The following RNF207 variants were observed in gnomAD, a reference collection of about 807,000 sequenced individuals.
RNF207 encodes OTTHUMG00000001089.
Under a neutral mutation model 79.0 loss-of-function variants are expected in RNF207, and 72 were observed. The observed-to-expected ratio is 0.91, with a 90% CI of 0.75 to 1.11. RNF207 has a LOEUF of 1.11. Ranked by LOEUF, RNF207 falls within the 50% of genes least tolerant of loss-of-function variation. The pLI is 0.00. For synonymous variants in RNF207, 348 were observed against 366.2 expected, an observed-to-expected ratio of 0.95 and a Z score of 0.57; for missense variants, 936 against 855.8, an observed-to-expected ratio of 1.09 and a Z score of -1.17.
At chr1:6,219,180 C>A in intron 17 of RNF207, 56 bp from the exon 18 acceptor site, 1 of 1,491,978 alleles carries the variant, frequency 6.7e-7, no homozygotes. Flanking sequence ...GATTTTAGTG[C>A]AGGGATATGG....
chr1:6,206,883 C>T (rs1167164193), intron 2 of RNF207, among the ~76,000 whole-genome samples, 157 bp downstream of exon 2: 1 of 152,212 alleles, frequency 6.6e-6, no homozygotes, highest in Non-Finnish European at 1.5e-5. Flanking sequence ...CTCTCCCCGC[C>T]AGAAGTTGCA....
At chr1:6,208,741 T>G (rs1668017347) in intron 3 of RNF207, 140 bp from the exon 4 acceptor site, 1 of 852,684 alleles carries the variant, frequency 1.2e-6, no homozygotes, top group Non-Finnish European at 1.7e-6. Flanking sequence ...GCCAAGTGCC[T>G]GGATTACAGG....
chr1:6,212,719 A>C lies in RNF207; in HGVS notation c.1520A>C (p.Gln507Pro), dbSNP rs1343802208. 1 of 1,613,716 alleles carries C rather than the reference A, an allele frequency of 6.2e-7. No homozygotes were observed. Among genetic ancestry groups the C allele is most frequent in the Non-Finnish European group, 8.5e-7 (1 of 1,179,804 alleles). Residue 507 changes from glutamine to proline, a missense_variant, in exon 15 of 18, where the codon CAG becomes CCG. Transcript: ENST00000377939. ...GCCTATCAGCGAGTGGCTAATGAGC[A>C]GGAGATTTATGAAGGTTCCAGACAG... The part of the protein sequence containing the change: ...EEAYQRVANE[Q>P]EIYEAQLHDL...
rs1006558162 is a variant in RNF207, at chr1:6,207,020, A to T, written c.191+294A>T. ...AGCACTGGTCAGGACGCTCCCGGTT[A>T]CTCGCTTGGGGGTCCTAGAAGTCTT... On this transcript the variant is annotated intron_variant, in intron 2 of 17. Transcript: ENST00000377939. The surrounding 1 kb of genome is among the most constrained non-coding windows in gnomAD (Gnocchi z 4.5). Among the ~76,000 whole-genome samples the T allele has an allele frequency of 6.7e-6, 1 of 149,872 alleles. No individual in the cohort carries two copies. Among genetic ancestry groups the T allele is most frequent in the Non-Finnish European group, 1.5e-5 (1 of 66,856 alleles).
intron 10 of RNF207, 151 bp from the exon 11 acceptor site, chr1:6,210,719 G>C (rs1210109427): frequency 2.7e-6 from 2 of 740,346 alleles, no homozygotes; most frequent in Non-Finnish European, 4.6e-6. Context: ...TGGGATGGGG[G>C]TTTGTCCGGG....
At position 6,206,598 on chromosome 1, in the gene RNF207, C is replaced by A; in HGVS notation, c.63C>A (p.His21Gln). The change falls in exon 2 of 18, where the codon CAC becomes CAA. Residue 21 changes from histidine to glutamine, a missense_variant. Transcript: ENST00000377939. ...GCTCCCTGGATGCCCCGAGCATCCA[C>A]CCGCTGGTGTGCCCGCTGTGCCACG... ...GPSSLDAPSI[H>Q]PLVCPLCHVQ... The A allele has an allele frequency of 6.2e-7, 1 of 1,605,786 alleles. No individual in the cohort carries two copies. Among genetic ancestry groups the A allele is most frequent in the Non-Finnish European group, 8.5e-7 (1 of 1,179,602 alleles).
rs1010823044 is a variant in RNF207, at chr1:6,211,709, C to G, written c.1110-158C>G. Among the ~76,000 whole-genome samples the G allele has an allele frequency of 3.3e-5, 5 of 152,158 alleles. No homozygotes were observed. ...AATAGATGTGGATGTCCGGGTGAGG[C>G]CTTGCCTCAGCCTTTTCAAATCTCC... On this transcript the variant is annotated intron_variant, in intron 12 of 17. Transcript: ENST00000377939. This position sits in a 1 kb window ranked among gnomAD's most constrained non-coding sequence, Gnocchi z 4.2.
At position 6,211,085 on chromosome 1, in the gene RNF207, G is replaced by A. The variant is rs569862855; in HGVS notation, c.1076G>A (p.Arg359His). Residue 359 changes from arginine to histidine, a missense_variant, in exon 12 of 18, where the codon CGT becomes CAT. Transcript: ENST00000377939. The surrounding 1 kb of genome is among the most constrained non-coding windows in gnomAD (Gnocchi z 4.2). ...GAGCCACTGCTGCTGCTGGGGCCAC[G>A]TCGGGTGGCAGCTGCTGCAAGTGGT... ...CLEPLLLLGP[R>H]RVAAAASGAN... 2.1e-5 allele frequency: 33 copies of A among 1,603,670 alleles called. No homozygotes were observed. The Middle Eastern group carries it at 1.3e-3, about 64-fold the overall frequency.
intron 16 of RNF207, among the ~76,000 whole-genome samples, chr1:6,215,034 C>CT (rs566158835): frequency 0.046 from 6,493 of 140,042 alleles, 444 homozygotes; most frequent in African/African-American, 0.15. Context: ...TCCTATTTCC[C>CT]TTTTTTTTTT....
rs1241111602 is a variant in RNF207, at chr1:6,206,619, C to T, written c.84C>T (p.Cys28=). The change falls in exon 2 of 18, where the codon TGC becomes TGT. Residue 28 remains cysteine (C), a synonymous_variant. Transcript: ENST00000377939. ...PSIHPLVCPL[C]HVQYERPCLL... ...TCCACCCGCTGGTGTGCCCGCTGTG[C>T]CACGTGCAGTACGAGCGCCCGTGTC... 2.5e-6 allele frequency: 4 copies of T among 1,607,590 alleles called. No individual in the cohort carries two copies. The highest frequency in any genetic ancestry group is 3.4e-6 in the Non-Finnish European group (4 of 1,179,740).
Position 6,207,386 on chromosome 1 carries a change from A to G in RNF207, c.199A>G (p.Thr67Ala), listed in dbSNP as rs1667951847. Residue 67 changes from threonine (T) to alanine (A), a missense_variant, in exon 3 of 18, where the codon ACG becomes GCG. Transcript: ENST00000377939. The surrounding 1 kb of genome is among the most constrained non-coding windows in gnomAD (Gnocchi z 4.5). The part of the protein sequence containing the change: ...RLTCPLCQHQ[T>A]VLKGPSGLPP... The stretch of plus-strand genomic sequence containing the variant: ...GCCTGGGCTTCTCTGCAGACACCAG[A>G]CGGTGCTGAAGGGTCCCAGCGGGCT... The G allele has an allele frequency of 6.6e-7, 1 of 1,517,010 alleles. No individual in the cohort carries two copies. Among genetic ancestry groups the G allele is most frequent in the Admixed American group, 2.1e-5 (1 of 46,686 alleles). The allele number at this position is 1,517,010 out of a possible 1,614,324, so 94.0% of individuals were successfully genotyped here.
At chr1:6,218,826 A>G (rs1408225988) in intron 17 of RNF207, among the ~76,000 whole-genome samples, 1 of 152,194 alleles carries the variant, frequency 6.6e-6, no homozygotes, top group Non-Finnish European at 1.5e-5. Context: ...ACATAGTCAC[A>G]GGGCAGAGGA....
chr1:6,207,536 G>A lies in RNF207; in HGVS notation c.324+25G>A, dbSNP rs770505631. ...GGCAGGGGCGGCAGGGCGGGTGGGTGAGGAGCAGAGGGTACCCGGTTGCAC... is the reference window on the plus strand; with the variant it reads ...GGCAGGGGCGGCAGGGCGGGTGGGTAAGGAGCAGAGGGTACCCGGTTGCAC... On this transcript the variant is annotated intron_variant, in intron 3 of 17. Coordinates refer to ENST00000377939, the MANE Select transcript of RNF207 (RefSeq NM_207396.3). The surrounding 1 kb of genome is among the most constrained non-coding windows in gnomAD (Gnocchi z 4.5). The A allele has an allele frequency of 3.5e-5, 55 of 1,581,344 alleles. No homozygotes were observed. Among genetic ancestry groups the A allele is most frequent in the Non-Finnish European group, 4.7e-5 (55 of 1,166,470 alleles).
chr1:6,209,376 C>T (rs1197788003), intron 6 of RNF207, 33 bp downstream of exon 6: 3 of 1,525,760 alleles, frequency 2.0e-6, no homozygotes, highest in African/African-American at 1.4e-5. Context: ...CGGGGCCGCG[C>T]GGCGGCGATC....
chr1:6,209,065 G>T, intron 4 of RNF207, 40 bp downstream of exon 4: 1 of 828,582 alleles, frequency 1.2e-6, no homozygotes, highest in Non-Finnish European at 1.9e-6. Flanking sequence ...GGGGGTGGGG[G>T]CGGGGCGGGC....
At chr1:6,212,502 C>A in intron 14 of RNF207, 86 bp downstream of exon 14, 1 of 1,367,258 alleles carries the variant, frequency 7.3e-7, no homozygotes, top group Non-Finnish European at 1.0e-6. Flanking sequence ...GAAAGAGGAC[C>A]TGGCCTGTAC....
rs1668510314 is a variant in RNF207 at position 6,220,390 on chromosome 1, G to A, written c.*983G>A. On this transcript the variant is annotated 3_prime_UTR_variant, in exon 18 of 18. Coordinates refer to ENST00000377939, the MANE Select transcript of RNF207 (RefSeq NM_207396.3). ...GTATGTCAGGGTGTGCCGGTTTTAG[G>A]TAACAAGACTCCACCACTGAGTGGC... is the stretch of plus-strand genomic sequence containing the variant. 6.6e-6 allele frequency: 1 copy of A among 152,178 alleles called. No individual in the cohort carries two copies. Among genetic ancestry groups the A allele is most frequent in the Admixed American group, 6.5e-5 (1 of 15,274 alleles). 9.4% of individuals were successfully genotyped at this position (152,178 alleles called of 1,614,324 possible).
intron 14 of RNF207, 122 bp from the exon 15 acceptor site, chr1:6,212,560 T>C (rs2100936979): frequency 8.0e-7 from 1 of 1,244,716 alleles, no homozygotes; most frequent in East Asian, 2.3e-5. Context: ...GAGTCTTTGC[T>C]GCTTGGAACC....
At chr1:6,208,671 A>C in intron 3 of RNF207, 5 of 509,766 alleles carry the variant, frequency 9.8e-6, no homozygotes, top group Admixed American at 3.9e-5. Flanking sequence ...CCCTCCACGG[A>C]CCTACTTACC....
Sources: allele counts gnomAD v4.1 joint callset (sites outside exome capture counted in the v4.1 genomes callset), GRCh38; gene constraint gnomAD v4.1.1; non-coding constraint Gnocchi (gnomAD v3.1); transcripts MANE v1.5; gene names NCBI Gene and HGNC (gene_info 2026-07-23, HGNC 2026-07-21).